Variants in LGALS12 observed in about 807,000 individuals in gnomAD.
LGALS12 encodes the protein galectin 12, also known as galectin-12.
In LGALS12, 36 loss-of-function variants were observed where a neutral mutation model predicts 36.8. The observed-to-expected ratio is 0.98, with a 90% CI of 0.75 to 1.29. The LOEUF (loss-of-function observed/expected upper bound fraction) is 1.29, where lower values mean the gene tolerates loss of function less well. Ranked by LOEUF, LGALS12 falls within the 50% of genes most tolerant of loss-of-function variation. The probability of loss-of-function intolerance (pLI) is 0.00; values close to 1 mark genes in which losing one functional copy is unlikely to be tolerated. For synonymous variants in LGALS12, 145 were observed against 155.9 expected (o/e 0.93, Z 0.52); for missense variants, 366 against 394.3 (o/e 0.93, Z 0.61).
At chr11:63,515,082 G>A (rs1328854026) in intron 7 of LGALS12, among the ~76,000 whole-genome samples, 1 of 152,188 alleles carries the variant, frequency 6.6e-6, no homozygotes, top group East Asian at 1.9e-4. Flanking sequence ...GAGGCACAGA[G>A]AGATTAAGAG....
Position 63,511,817 on chromosome 11 carries a change from ACTGGT to A in LGALS12, c.627_631del (p.Val210AlafsTer55), listed in dbSNP as rs765130529. On this transcript the variant is annotated frameshift_variant, in exon 7 of 9. Transcript: ENST00000394618. LOFTEE classifies it high-confidence loss of function. ...CTGGGCAGGTCATCATAGTACGGGG[ACTGGT>A]CTTGCAAGAGCCGAAGCAGTAAGTA... 6.2e-7 allele frequency: 1 copy of A among 1,613,524 alleles called. No individual in the cohort carries two copies. Among genetic ancestry groups the A allele is most frequent in the Non-Finnish European group, 8.5e-7 (1 of 1,179,682 alleles).
intron 8 of LGALS12, among the ~76,000 whole-genome samples, chr11:63,515,926 TG>T (rs11292977): frequency 0.33 from 50,535 of 150,896 alleles, 11,961 homozygotes; most frequent in African/African-American, 0.68. Context: ...TTGATGCAGG[TG>T]GGGGGGGGCC....
In LGALS12 at chr11:63,508,806, A is replaced by T. The variant is rs762550221; in HGVS notation, c.187A>T (p.Ser63Cys). Residue 63 changes from serine to cysteine, a missense_variant, in exon 3 of 9, where the codon AGC (serine) becomes TGC (cysteine). Physicochemically the swap from Ser to Cys is moderately radical, Grantham distance 112. Transcript: ENST00000394618. ...RFQVDFQCGC[S>C]LCPRPDIAFH... ...TCAGGTGGACTTCCAGTGTGGCTGC[A>T]GCCTGTGTCCCCGGCCAGATATCGC... is the stretch of plus-strand genomic sequence containing the variant. 2.5e-6 allele frequency: 4 copies of T among 1,614,180 alleles called. No homozygotes were observed. Among genetic ancestry groups the T allele is most frequent in the African/African-American group, 1.3e-5 (1 of 75,058 alleles).
chr11:63,509,180 T>C (rs1467542192), intron 3 of LGALS12, among the ~76,000 whole-genome samples, 189 bp downstream of exon 3: 1 of 152,198 alleles, frequency 6.6e-6, no homozygotes, highest in African/African-American at 2.4e-5. Flanking sequence ...AGCTCTACAG[T>C]GCCTGGCTCC....
chr11:63,508,749 C>G (rs570732795), intron 2 of LGALS12, 29 bp from the exon 3 acceptor site: 3 of 1,613,840 alleles, frequency 1.9e-6, no homozygotes, highest in Admixed American at 3.3e-5. Context: ...TGGTCAGAAC[C>G]GCACTTTGAG....
In LGALS12 at chr11:63,510,483, A is replaced by G; in HGVS notation, c.513A>G (p.Arg171=). 1.2e-6 allele frequency: 2 copies of G among 1,614,140 alleles called. No homozygotes were observed. The highest frequency in any genetic ancestry group is 1.7e-6 in the Non-Finnish European group (2 of 1,179,992). The change falls in exon 5 of 9, where the codon AGA becomes AGG. Residue 171 remains arginine, a synonymous_variant. Coordinates refer to ENST00000394618, the MANE Select transcript of LGALS12 (RefSeq NM_033101.4). ...AACAGCCATTTGTGGAGGGCAGCAG[A>G]GAGTACCCAGCTGGACATGTGAGTT... ...LNINPFVEGS[R]EYPAGHPFLL...
In LGALS12 at chr11:63,508,593, C is replaced by T. The variant is rs970091614; in HGVS notation, c.110C>T (p.Ala37Val). 2.5e-6 allele frequency: 4 copies of T among 1,614,166 alleles called. No homozygotes were observed. In the African/African-American group the frequency reaches 5.3e-5, roughly 22 times the overall value. ...ACGACGATTTTTGGAGGCCTGCATGCAGGCAAGATGGTCATGCTGCAAGGA... is the reference window on the plus strand; with the variant it reads ...ACGACGATTTTTGGAGGCCTGCATGTAGGCAAGATGGTCATGCTGCAAGGA... ...YVTTIFGGLH[A>V]GKMVMLQGVV... The change falls in exon 2 of 9, where the codon GCA becomes GTA. Residue 37 changes from alanine to valine, a missense_variant. By Grantham distance (64) the Ala-to-Val change is moderately conservative. Transcript: ENST00000394618.
intron 7 of LGALS12, 58 bp from the exon 8 acceptor site, chr11:63,515,505 A>G: frequency 1.9e-6 from 3 of 1,593,802 alleles, no homozygotes; most frequent in Non-Finnish European, 2.6e-6. Context: ...CTGGGGGCTG[A>G]GCAGCGGCCT....
intron 7 of LGALS12, among the ~76,000 whole-genome samples, chr11:63,513,013 A>C (rs2016974606): frequency 6.6e-6 from 1 of 152,110 alleles, no homozygotes; most frequent in Non-Finnish European, 1.5e-5. Flanking sequence ...TGCCCTGCAC[A>C]CTGCCGATCA....
At chr11:63,508,231 A>C in intron 1 of LGALS12, 1 of 1,199,050 alleles carries the variant, frequency 8.3e-7, no homozygotes, top group African/African-American at 1.6e-5. Context: ...GGTGACATCT[A>C]GTGGATGGCA....
At chr11:63,512,061 C>G (rs1055408077) in intron 7 of LGALS12, among the ~76,000 whole-genome samples, 1 of 152,244 alleles carries the variant, frequency 6.6e-6, no homozygotes, top group African/African-American at 2.4e-5. Context: ...GAGCATCATT[C>G]CTGCTGGTAC....
At chr11:63,511,647 T>A (rs1025216047) in intron 6 of LGALS12, 105 bp from the exon 7 acceptor site, 1 of 759,676 alleles carries the variant, frequency 1.3e-6, no homozygotes, top group African/African-American at 1.7e-5. Flanking sequence ...GCGGCAGGCC[T>A]GGGCAGAACA....
At position 63,506,491 on chromosome 11, in the gene LGALS12, T is replaced by G. The variant is rs776883006; in HGVS notation, c.33T>G (p.Pro11=). 3 of 1,614,104 alleles carry G rather than the reference T, an allele frequency of 1.9e-6. No homozygotes were observed. The East Asian group carries it at 6.7e-5, about 36-fold the overall frequency. Residue 11 remains proline (P), a synonymous_variant, in exon 1 of 9, where the codon CCT becomes CCG. Coordinates refer to ENST00000394618, the MANE Select transcript of LGALS12 (RefSeq NM_033101.4). The part of the protein sequence containing the change: MSPGEKLDPI[P]DSFILQPPVF... ...CTGGAGAAAAACTGGACCCAATTCC[T>G]GACAGCTTCATTCTGCAACCACCAG... is the stretch of plus-strand genomic sequence containing the variant.
intron 1 of LGALS12, chr11:63,508,306 C>T: frequency 7.3e-7 from 1 of 1,363,392 alleles, no homozygotes; most frequent in South Asian, 1.5e-5. Flanking sequence ...CTGGCTGGTG[C>T]TGAATTTGGC....
intron 5 of LGALS12, among the ~76,000 whole-genome samples, 183 bp downstream of exon 5, chr11:63,510,684 C>A (rs1190602328): frequency 6.6e-6 from 1 of 152,198 alleles, no homozygotes; most frequent in East Asian, 1.9e-4. Flanking sequence ...CTCTCCAGGC[C>A]CAGCTTGGGA....
chr11:63,515,182 T>C (rs539713813), intron 7 of LGALS12, among the ~76,000 whole-genome samples: 1 of 152,310 alleles, frequency 6.6e-6, no homozygotes, highest in South Asian at 2.1e-4. Flanking sequence ...TTGGAAAACA[T>C]TTAAGATAAT....
At chr11:63,506,586 G>A in intron 1 of LGALS12, 59 bp downstream of exon 1, 1 of 1,606,334 alleles carries the variant, frequency 6.2e-7, no homozygotes, top group Non-Finnish European at 8.5e-7. Context: ...CTTCCAACTG[G>A]GCCCACACTC....
rs1457628742 is a variant in LGALS12, at chr11:63,506,155, G to T, written c.-304G>T. On this transcript the variant is annotated 5_prime_UTR_variant, in exon 1 of 9. Coordinates refer to ENST00000394618, the MANE Select transcript of LGALS12 (RefSeq NM_033101.4). Reference sequence around the variant, plus strand: ...GCAATGGCCATGTGCTGCAGACCCGGAGTGGGTAGTTAGTTGGTTAATGCC... The same window carrying T: ...GCAATGGCCATGTGCTGCAGACCCGTAGTGGGTAGTTAGTTGGTTAATGCC... The T allele has an allele frequency of 1.9e-6, 1 of 522,450 alleles. No individual in the cohort carries two copies. Among genetic ancestry groups the T allele is most frequent in the East Asian group, 3.2e-5 (1 of 31,060 alleles). The allele number at this position is 522,450 out of a possible 1,614,324, so 32.4% of individuals were successfully genotyped here.
rs779376892 is a variant in LGALS12, at chr11:63,508,759, G to C, written c.159-19G>C. On this transcript the variant is annotated intron_variant, in intron 2 of 8. Coordinates refer to ENST00000394618, the MANE Select transcript of LGALS12 (RefSeq NM_033101.4). ...GTCTCTGGTCAGAACCGCACTTTGAGAGCCTCACCTCCCAGTAGGTTTCAG... is the reference window on the plus strand; with the variant it reads ...GTCTCTGGTCAGAACCGCACTTTGACAGCCTCACCTCCCAGTAGGTTTCAG... The C allele has an allele frequency of 5.6e-6, 9 of 1,614,066 alleles. No individual in the cohort carries two copies. In the South Asian group the frequency reaches 8.8e-5, roughly 16 times the overall value.
Sources: allele counts gnomAD v4.1 joint callset (sites outside exome capture counted in the v4.1 genomes callset), GRCh38; gene constraint gnomAD v4.1.1; transcripts MANE v1.5; gene names NCBI Gene and HGNC (gene_info 2026-07-23, HGNC 2026-07-21).